The following AP3B2 variants were observed in gnomAD, a reference collection of about 807,000 sequenced individuals.
The protein encoded by AP3B2 is adaptor related protein complex 3 subunit beta 2.
A neutral mutation model predicts 126.9 loss-of-function variants in AP3B2; 50 were observed. The observed-to-expected ratio is 0.39, with a 90% CI of 0.31 to 0.50. The LOEUF is 0.50. Ranked by LOEUF, AP3B2 falls within the 20% of genes least tolerant of loss-of-function variation. The probability of loss-of-function intolerance (pLI) is 0.79; values close to 1 mark genes in which losing one functional copy is unlikely to be tolerated. For missense variants in AP3B2, 1,177 were observed against 1,426.4 expected, an observed-to-expected ratio of 0.83 and a Z score of 2.82; for synonymous variants, 541 against 565.0, an observed-to-expected ratio of 0.96 and a Z score of 0.60.
intron 10 of AP3B2, among the ~76,000 whole-genome samples, chr15:82,678,627 A>G (rs893566959): frequency 2.6e-5 from 4 of 152,170 alleles, no homozygotes; most frequent in Admixed American, 2.0e-4. Flanking sequence ...CTGTCCCTGC[A>G]TAATTCATGT....
chr15:82,696,761 A>G (rs1179201061), intron 1 of AP3B2, among the ~76,000 whole-genome samples: 1 of 152,228 alleles, frequency 6.6e-6, no homozygotes, highest in Admixed American at 6.5e-5. Context: ...GCCCTTGTGC[A>G]GTGAACAATG....
At chr15:82,667,325 T>C (rs1340810335) in intron 14 of AP3B2, among the ~76,000 whole-genome samples, 3 of 152,190 alleles carry the variant, frequency 2.0e-5, no homozygotes, top group Admixed American at 6.5e-5. Flanking sequence ...CCTCACAGTT[T>C]CCAGGCTCCA....
chr15:82,659,706 C>A lies in AP3B2; in HGVS notation c.3160G>T (p.Ala1054Ser). Residue 1054 changes from alanine to serine, a missense_variant, in exon 27 of 27, where the codon GCA becomes TCA. By Grantham distance (99) the Ala-to-Ser change is moderately conservative (BLOSUM62 1). Coordinates refer to ENST00000535359, the MANE Select transcript of AP3B2 (RefSeq NM_001278512.2). ...CTTCCACCAGTCAGTGTCCTCCCTG[C>A]AAACCTGAGGTGGGAATAGAAGGGG... ...PCGTSDEYRF[A>S]GRTLTGGSLV... 1 of 1,613,818 alleles carries A rather than the reference C, an allele frequency of 6.2e-7. No individual in the cohort carries two copies. Among genetic ancestry groups the A allele is most frequent in the Non-Finnish European group, 8.5e-7 (1 of 1,179,786 alleles).
chr15:82,665,063 G>A lies in AP3B2; in HGVS notation c.2029-120C>T, dbSNP rs1308477243. On this transcript the variant is annotated intron_variant, in intron 17 of 26. Transcript: ENST00000535359. This position sits in a 1 kb window ranked among gnomAD's most constrained non-coding sequence, Gnocchi z 4.4. ...GGCCCTACCTGGTCTGTCCCACAAA[G>A]GGAATAACAGAGGAGGAAGAAAGGG... 9.6e-7 allele frequency: 1 copy of A among 1,037,726 alleles called. No individual in the cohort carries two copies. The highest frequency in any genetic ancestry group is 1.6e-5 in the African/African-American group (1 of 62,994). 64.3% of individuals were successfully genotyped at this position (1,037,726 alleles called of 1,614,324 possible). A position where few individuals can be genotyped will look rare whatever the true frequency, so the allele number is the denominator to read the frequency against.
chr15:82,688,343 G>A lies in AP3B2; in HGVS notation c.360+393C>T, dbSNP rs1018380395. ...GGTGAGAATGGTGTGGGGGATTCAG[G>A]CCACTGCTAAAGGTTGAAATCTACC... On this transcript the variant is annotated intron_variant, in intron 4 of 26. Transcript: ENST00000535359. 3.4e-5 allele frequency: 23 copies of A among 683,770 alleles called. No homozygotes were observed. The African/African-American group carries it at 4.1e-4, about 12-fold the overall frequency. 42.4% of individuals were successfully genotyped at this position (683,770 alleles called of 1,614,324 possible).
At chr15:82,668,152 C>T (rs2048090484) in intron 14 of AP3B2, among the ~76,000 whole-genome samples, 1 of 152,204 alleles carries the variant, frequency 6.6e-6, no homozygotes, top group South Asian at 2.1e-4. Context: ...TGAGCAGCTG[C>T]TTTGGCAGAA....
intron 1 of AP3B2, among the ~76,000 whole-genome samples, chr15:82,696,811 G>A (rs902681227): frequency 5.9e-5 from 9 of 152,132 alleles, no homozygotes; most frequent in Non-Finnish European, 1.2e-4. Flanking sequence ...TGGTGATCAC[G>A]AAGTGATCAG....
chr15:82,690,639 C>CTTTT (rs2048511675), intron 1 of AP3B2, among the ~76,000 whole-genome samples: 1 of 103,456 alleles, frequency 9.7e-6, no homozygotes, highest in African/African-American at 3.9e-5. Context: ...ACATTTTCTT[C>CTTTT]TTCTTTTTTT....
chr15:82,662,408 T>C, intron 23 of AP3B2, 156 bp from the exon 24 acceptor site: 1 of 680,054 alleles, frequency 1.5e-6, no homozygotes, highest in East Asian at 2.7e-5. Context: ...GTTCCCGGTT[T>C]CCTCCTGAAC....
chr15:82,702,252 T>A (rs1013911901), intron 1 of AP3B2, among the ~76,000 whole-genome samples: 3 of 152,214 alleles, frequency 2.0e-5, no homozygotes. Context: ...ACAATCTCAA[T>A]ATGTCCAAAG....
intron 11 of AP3B2, 118 bp downstream of exon 11, chr15:82,677,987 G>C: frequency 7.2e-7 from 1 of 1,394,964 alleles, no homozygotes; most frequent in South Asian, 1.3e-5. Context: ...CATTGGAACG[G>C]GAATGTAAGA....
chr15:82,702,073 G>C (rs911371174), intron 1 of AP3B2, among the ~76,000 whole-genome samples: 2 of 152,150 alleles, frequency 1.3e-5, no homozygotes, highest in African/African-American at 4.8e-5. Flanking sequence ...GGTGTCTTCA[G>C]GGTTCAGACT....
rs369082256 is a variant in AP3B2, at chr15:82,666,905, C to T, written c.1694G>A (p.Ser565Asn). The T allele has an allele frequency of 3.7e-6, 6 of 1,613,650 alleles. No individual in the cohort carries two copies. Among genetic ancestry groups the T allele is most frequent in the Non-Finnish European group, 5.1e-6 (6 of 1,179,656 alleles). The change falls in exon 15 of 27, where the codon AGT becomes AAT. Residue 565 changes from serine (S) to asparagine (N), a missense_variant. Coordinates refer to ENST00000535359, the MANE Select transcript of AP3B2 (RefSeq NM_001278512.2). ...QTKLLTQYVL[S>N]LAKYDQNYDI... ...ATAGTTCTGGTCATATTTGGCCAGA[C>T]TCAGCACATACTGGGTCAGCAGCTT... is the stretch of plus-strand genomic sequence containing the variant.
At chr15:82,668,674 C>A (rs2048097959) in intron 14 of AP3B2, among the ~76,000 whole-genome samples, 1 of 152,170 alleles carries the variant, frequency 6.6e-6, no homozygotes, top group South Asian at 2.1e-4. Context: ...TAATTCATTA[C>A]CCTTCTCCAC....
At position 82,662,122 on chromosome 15, in the gene AP3B2, C is replaced by T. The variant is rs768728710; in HGVS notation, c.2918+46G>A. 5 of 1,521,968 alleles carry T rather than the reference C, an allele frequency of 3.3e-6. No individual in the cohort carries two copies. The South Asian group carries it at 4.8e-5, about 15-fold the overall frequency. The allele number at this position is 1,521,968 out of a possible 1,614,324, so 94.3% of individuals were successfully genotyped here. Reference sequence around the variant, plus strand: ...ATTTCCAGTTCATTGTTACCCTGTCCCTTTCCAGCCCATCCTCTCACCCCC... The same window carrying T: ...ATTTCCAGTTCATTGTTACCCTGTCTCTTTCCAGCCCATCCTCTCACCCCC... On this transcript the variant is annotated intron_variant, in intron 24 of 26. Transcript: ENST00000535359.
intron 1 of AP3B2, among the ~76,000 whole-genome samples, chr15:82,700,926 T>C (rs1431881908): frequency 6.6e-6 from 1 of 151,990 alleles, no homozygotes; most frequent in Non-Finnish European, 1.5e-5. Flanking sequence ...AGTGGTGCCA[T>C]CTCGGCTCAC....
Position 82,676,552 on chromosome 15 carries a change from TTTC to T in AP3B2, c.1571_1573del (p.Arg524del). ...CTCTGCTGTGAATGACTTGGCCATT[TTTC>T]TTAAGACATCAGGTGCAATCCTGGG... On this transcript the variant is annotated inframe_deletion, in exon 14 of 27. Transcript: ENST00000535359. 2 of 1,614,024 alleles carry T rather than the reference TTTC, an allele frequency of 1.2e-6. No homozygotes were observed. Among genetic ancestry groups the T allele is most frequent in the Non-Finnish European group, 1.7e-6 (2 of 1,179,906 alleles).
rs780256369 is a variant in AP3B2, at chr15:82,680,260, G to A, written c.1056-31C>T. Reference sequence around the variant, plus strand: ...GAGAGGACGGGTCAGAGCACCCCGGGCCCCTCGGTTGGGGCAAGGGTCAGC... The same window carrying A: ...GAGAGGACGGGTCAGAGCACCCCGGACCCCTCGGTTGGGGCAAGGGTCAGC... On this transcript the variant is annotated intron_variant, in intron 8 of 26. Coordinates refer to ENST00000535359, the MANE Select transcript of AP3B2 (RefSeq NM_001278512.2). This position sits in a 1 kb window ranked among gnomAD's most constrained non-coding sequence, Gnocchi z 6.1. 2 of 1,613,192 alleles carry A rather than the reference G, an allele frequency of 1.2e-6. No individual in the cohort carries two copies. Among genetic ancestry groups the A allele is most frequent in the South Asian group, 1.1e-5 (1 of 91,064 alleles).
intron 25 of AP3B2, among the ~76,000 whole-genome samples, chr15:82,660,322 A>G (rs2047918860): frequency 6.6e-6 from 1 of 151,922 alleles, no homozygotes; most frequent in South Asian, 2.1e-4. Context: ...TGAACCTCAC[A>G]CCCTTTGATC....
Sources: allele counts gnomAD v4.1 joint callset (sites outside exome capture counted in the v4.1 genomes callset), GRCh38; gene constraint gnomAD v4.1.1; non-coding constraint Gnocchi (gnomAD v3.1); transcripts MANE v1.5; gene names NCBI Gene and HGNC (gene_info 2026-07-23, HGNC 2026-07-21).